Variants in TMTC2 observed in about 807,000 individuals in gnomAD.
TMTC2 encodes the protein transmembrane O-mannosyltransferase targeting cadherins 2, also known as protein O-mannosyl-transferase TMTC2.
A neutral mutation model predicts 82.4 loss-of-function variants in TMTC2; 43 were observed. The ratio of observed to expected loss-of-function variants is 0.52; its 90% CI spans 0.41 to 0.67. The LOEUF (loss-of-function observed/expected upper bound fraction) is 0.67, where lower values mean the gene tolerates loss of function less well. Among genes scored for constraint, TMTC2 ranks in the 30% least tolerant of loss-of-function variants. The pLI is 0.00. For missense variants in TMTC2, 919 were observed against 1,012.4 expected, an observed-to-expected ratio of 0.91 and a Z score of 1.25; for synonymous variants, 408 against 381.9, an observed-to-expected ratio of 1.07 and a Z score of -0.80.
intron 9 of TMTC2, among the ~76,000 whole-genome samples, chr12:83,040,508 T>G (rs956298584): frequency 6.6e-6 from 1 of 152,138 alleles, no homozygotes; most frequent in Admixed American, 6.5e-5. Context: ...CTATCTCACT[T>G]GTTCCTTCTA....
At chr12:83,074,160 G>A (rs1006933596) in intron 11 of TMTC2, among the ~76,000 whole-genome samples, 7 of 152,086 alleles carry the variant, frequency 4.6e-5, no homozygotes, top group South Asian at 4.2e-4. Flanking sequence ...TTTGTACCAC[G>A]TGGTGTTCGC....
intron 2 of TMTC2, among the ~76,000 whole-genome samples, chr12:82,872,005 A>ACCCCCCCCCCCCC (rs61305687): frequency 5.6e-4 from 54 of 95,714 alleles, no homozygotes; most frequent in Admixed American, 1.4e-3. Flanking sequence ...GTTGAACAAC[A>ACCCCCCCCCCCCC]CCCCCCCCCC....
chr12:82,697,086 C>G (rs1415876751), intron 1 of TMTC2, among the ~76,000 whole-genome samples: 1 of 151,528 alleles, frequency 6.6e-6, no homozygotes, highest in Non-Finnish European at 1.5e-5. Context: ...TGGCTCATGC[C>G]TGTAATCCCA....
At chr12:83,055,751 C>G (rs1349466250) in intron 10 of TMTC2, among the ~76,000 whole-genome samples, 1 of 150,870 alleles carries the variant, frequency 6.6e-6, no homozygotes, top group Non-Finnish European at 1.5e-5. Context: ...TGTGTTTAAT[C>G]TACTTACAGG....
chr12:82,693,988 A>T (rs1221590304), intron 1 of TMTC2, among the ~76,000 whole-genome samples: 3 of 151,796 alleles, frequency 2.0e-5, no homozygotes, highest in South Asian at 4.1e-4. Flanking sequence ...AAAAAAAAAA[A>T]AAAGGTGTAA....
At chr12:82,779,036 CA>C (rs1196960733) in intron 1 of TMTC2, among the ~76,000 whole-genome samples, 10,075 of 75,148 alleles carry the variant, frequency 0.13, 376 homozygotes, top group African/African-American at 0.22. Context: ...GACTCCATAT[CA>C]AAAAAAAAAA....
At chr12:82,987,056 T>G (rs1401797555) in intron 8 of TMTC2, among the ~76,000 whole-genome samples, 1 of 152,184 alleles carries the variant, frequency 6.6e-6, no homozygotes, top group Non-Finnish European at 1.5e-5. Flanking sequence ...TGAAAAGTAT[T>G]TTTGTGTTAC....
intron 9 of TMTC2, among the ~76,000 whole-genome samples, chr12:83,039,803 A>C (rs1010115029): frequency 2.0e-5 from 3 of 152,212 alleles, no homozygotes; most frequent in African/African-American, 7.2e-5. Flanking sequence ...TCTCACCCAC[A>C]AAGTTTTATT....
At chr12:82,939,656 G>A (rs566705982) in intron 4 of TMTC2, among the ~76,000 whole-genome samples, 15 of 152,194 alleles carry the variant, frequency 9.9e-5, no homozygotes, top group African/African-American at 3.6e-4. Context: ...TTATTGGATA[G>A]CTACCTATCA....
At chr12:82,884,395 G>A (rs952768502) in intron 2 of TMTC2, among the ~76,000 whole-genome samples, 2 of 152,184 alleles carry the variant, frequency 1.3e-5, no homozygotes, top group Non-Finnish European at 2.9e-5. Context: ...TACAATACAT[G>A]TAAGTGACTA....
At chr12:83,095,001 A>G (rs1386731421) in intron 11 of TMTC2, among the ~76,000 whole-genome samples, 1 of 152,222 alleles carries the variant, frequency 6.6e-6, no homozygotes, top group Non-Finnish European at 1.5e-5. Context: ...CTCTAAACAT[A>G]AAGTTCATAA....
chr12:83,002,640 C>G (rs1282281131), intron 8 of TMTC2, among the ~76,000 whole-genome samples: 1 of 151,974 alleles, frequency 6.6e-6, no homozygotes, highest in Non-Finnish European at 1.5e-5. Flanking sequence ...TTATTTCTGT[C>G]TTAATTTTGT....
chr12:82,940,259 C>T (rs1163765017), intron 4 of TMTC2, among the ~76,000 whole-genome samples: 8 of 151,760 alleles, frequency 5.3e-5, no homozygotes, highest in East Asian at 1.9e-4. Context: ...TCAGGTGATC[C>T]GCCCACCTTG....
intron 8 of TMTC2, among the ~76,000 whole-genome samples, chr12:83,000,241 T>C (rs1879858093): frequency 6.6e-6 from 1 of 152,006 alleles, no homozygotes; most frequent in South Asian, 2.1e-4. Context: ...TTCAAGCAAT[T>C]CTCCTGCCTC....
At chr12:83,002,000 G>A (rs992006470) in intron 8 of TMTC2, among the ~76,000 whole-genome samples, 5 of 152,214 alleles carry the variant, frequency 3.3e-5, no homozygotes, top group Non-Finnish European at 5.9e-5. Context: ...TTCATAGAAT[G>A]AGTTAGGAAG....
intron 10 of TMTC2, among the ~76,000 whole-genome samples, chr12:83,054,318 G>C (rs145590186): frequency 6.6e-6 from 1 of 151,930 alleles, no homozygotes; most frequent in Non-Finnish European, 1.5e-5. Flanking sequence ...TTATAATGTC[G>C]GGAAAAGATT....
chr12:82,944,577 AAAAAAGG>A (rs1344144402), intron 4 of TMTC2, among the ~76,000 whole-genome samples: 1 of 151,302 alleles, frequency 6.6e-6, no homozygotes, highest in Non-Finnish European at 1.5e-5. Flanking sequence ...AAAAAAAAAA[AAAAAAGG>A]AAAAGAAAAA....
intron 1 of TMTC2, among the ~76,000 whole-genome samples, chr12:82,730,120 G>C (rs554504444): frequency 6.6e-6 from 1 of 152,006 alleles, no homozygotes; most frequent in Non-Finnish European, 1.5e-5. Context: ...CTTCATTCTT[G>C]AAGTCAGTGA....
intron 7 of TMTC2, among the ~76,000 whole-genome samples, chr12:82,974,561 G>A (rs1167357369): frequency 6.6e-6 from 1 of 152,206 alleles, no homozygotes; most frequent in South Asian, 2.1e-4. Flanking sequence ...ATAGGCAACT[G>A]TAGGGGTAGA....
Sources: gnomAD v4.1 joint callset for allele counts (sites outside exome capture counted in the v4.1 genomes callset) on GRCh38, gnomAD v4.1.1 for gene constraint, MANE v1.5 for transcripts, NCBI Gene and HGNC (gene_info 2026-07-23, HGNC 2026-07-21) for gene names.